Variants in HIBCH observed in about 807,000 individuals in gnomAD.
HIBCH encodes the protein 3-hydroxyisobutyryl-CoA hydrolase.
HIBCH carries 50 observed loss-of-function variants against 58.2 expected under a neutral mutation model. The observed-to-expected ratio is 0.86, with a 90% confidence interval of 0.68 to 1.09. HIBCH has a LOEUF of 1.09. Ranked by LOEUF, HIBCH falls within the 50% of genes least tolerant of loss-of-function variation. HIBCH has a pLI of 0.00. For missense variants in HIBCH, 450 were observed against 449.7 expected (o/e 1.00, Z -0.01); for synonymous variants, 151 against 146.9 (o/e 1.03, Z -0.20).
At position 190,197,622 on chromosome 2, in the gene HIBCH, C is replaced by T. The variant is rs1690041651; in HGVS notation, c.*17+7478G>A. Reference sequence around the variant, plus strand: ...TCCCACGGTAATGCTGGGAGATACCCCCAGGTAGAATCCCACAATGACCAT... The same window carrying T: ...TCCCACGGTAATGCTGGGAGATACCTCCAGGTAGAATCCCACAATGACCAT... On this transcript the variant is annotated intron_variant, in intron 1 of 1. Transcript: ENST00000399855. The surrounding 1 kb of genome is among the most constrained non-coding windows in gnomAD (Gnocchi z 4.0). 3.3e-5 allele frequency among the ~76,000 whole-genome samples: 5 copies of T among 152,302 alleles called. No homozygotes were observed. In the South Asian group the frequency reaches 1.0e-3, roughly 32 times the overall value.
intron 7 of HIBCH, among the ~76,000 whole-genome samples, chr2:190,259,972 A>G (rs1019434169): frequency 6.6e-6 from 1 of 152,220 alleles, no homozygotes; most frequent in African/African-American, 2.4e-5. Context: ...AATTGGTAGA[A>G]GACTAAATGC....
chr2:190,235,439 TC>T (rs1208088588), intron 11 of HIBCH, among the ~76,000 whole-genome samples: 2 of 152,216 alleles, frequency 1.3e-5, no homozygotes, highest in African/African-American at 2.4e-5. Flanking sequence ...CGACCCTCAA[TC>T]TTTCAGCCTC....
chr2:190,222,849 T>C (rs747377882), intron 11 of HIBCH, among the ~76,000 whole-genome samples: 10 of 152,212 alleles, frequency 6.6e-5, no homozygotes, highest in South Asian at 2.1e-4. Context: ...CTATGCAAAA[T>C]AGCAAAGACT....
At chr2:190,200,261 T>G, downstream of HIBCH, 1 of 823,320 alleles carries the variant, frequency 1.2e-6, no homozygotes, top group Non-Finnish European at 2.0e-6. Context: ...AAAATGTGTC[T>G]ACGATAATGT....
chr2:190,297,300 T>C (rs1460961272), intron 2 of HIBCH, among the ~76,000 whole-genome samples: 1 of 152,180 alleles, frequency 6.6e-6, no homozygotes, highest in Non-Finnish European at 1.5e-5. Context: ...CAAAGATGAA[T>C]AAGAGAGGGC....
rs777256015 is a variant in HIBCH, at chr2:190,205,095, T to G, written c.*22A>C. 2 of 1,382,062 alleles carry G rather than the reference T, an allele frequency of 1.4e-6. No homozygotes were observed. Among genetic ancestry groups the G allele is most frequent in the Non-Finnish European group, 2.1e-6 (2 of 972,142 alleles). The allele number at this position is 1,382,062 out of a possible 1,614,324, so 85.6% of individuals were successfully genotyped here. On this transcript the variant is annotated 3_prime_UTR_variant, in exon 14 of 14. Transcript: ENST00000359678. ...TAGATTGCCAACCCATGCTACAAAA[T>G]ATACCTTAAAAGCCTGTCACCTCAA...
intron 8 of HIBCH, chr2:190,250,242 T>C (rs1686724235): frequency 2.8e-6 from 1 of 358,654 alleles, no homozygotes; most frequent in South Asian, 2.3e-5. Context: ...GACAATACCT[T>C]TTCCTGATAA....
Position 190,216,185 on chromosome 2 carries a change from G to A in HIBCH, c.892-3110C>T, listed in dbSNP as rs897310486. The A allele has an allele frequency of 6.5e-6, 1 of 152,766 alleles. No homozygotes were observed. Among genetic ancestry groups the A allele is most frequent in the Non-Finnish European group, 1.5e-5 (1 of 68,546 alleles). 9.5% of individuals were successfully genotyped at this position (152,766 alleles called of 1,614,324 possible). On this transcript the variant is annotated intron_variant, in intron 11 of 13. Coordinates refer to ENST00000359678, the MANE Select transcript of HIBCH (RefSeq NM_014362.4). The surrounding 1 kb of genome is among the most constrained non-coding windows in gnomAD (Gnocchi z 4.2). ...CTGGGGGAAGGTTCTAGAGGCTCAAGCAACAAGGAGGTGCAAGCAAAGGGT... is the reference window on the plus strand; with the variant it reads ...CTGGGGGAAGGTTCTAGAGGCTCAAACAACAAGGAGGTGCAAGCAAAGGGT...
intron 6 of HIBCH, among the ~76,000 whole-genome samples, chr2:190,273,120 C>T (rs997389631): frequency 2.6e-5 from 4 of 152,202 alleles, no homozygotes; most frequent in Admixed American, 2.6e-4. Flanking sequence ...CGGCCAGGCG[C>T]AGTGGCTCAT....
intron 3 of HIBCH, 122 bp downstream of exon 3, chr2:190,296,691 G>T: frequency 1.1e-6 from 1 of 899,358 alleles, no homozygotes; most frequent in Non-Finnish European, 1.8e-6. Context: ...AAGAATTGAT[G>T]GGGCTTACTT....
At chr2:190,222,788 T>A (rs1685759576) in intron 11 of HIBCH, among the ~76,000 whole-genome samples, 1 of 152,218 alleles carries the variant, frequency 6.6e-6, no homozygotes, top group Non-Finnish European at 1.5e-5. Context: ...CCCAAAGGAT[T>A]ATAAATCATT....
In HIBCH at chr2:190,261,251, A is replaced by G; in HGVS notation, c.439-17T>C. 6.4e-7 allele frequency: 1 copy of G among 1,574,170 alleles called. No individual in the cohort carries two copies. The highest frequency in any genetic ancestry group is 8.7e-7 in the Non-Finnish European group (1 of 1,144,084). On this transcript the variant is annotated splice_polypyrimidine_tract_variant and intron_variant, in intron 6 of 13. Coordinates refer to ENST00000359678, the MANE Select transcript of HIBCH (RefSeq NM_014362.4). ...ACCAACTCCCTAGAGAAAAAAGGCA[A>G]AAAAAGAGGCGGGGGGGAATTAAAC...
At chr2:190,289,459 A>C (rs946293766) in intron 5 of HIBCH, among the ~76,000 whole-genome samples, 1 of 152,180 alleles carries the variant, frequency 6.6e-6, no homozygotes, top group East Asian at 1.9e-4. Context: ...AATATGGTCT[A>C]GGAGAATACA....
Position 190,252,214 on chromosome 2 carries a change from C to G in HIBCH, c.611G>C (p.Gly204Ala), listed in dbSNP as rs750059412. Residue 204 changes from glycine (G) to alanine (A), a missense_variant, in exon 8 of 14, where the codon GGA becomes GCA. Physicochemically the swap from Gly to Ala is moderately conservative, Grantham distance 60. Transcript: ENST00000359678. ...FLALTGFRLK[G>A]RDVYRAGIAT... ...AATTCCTGCTCTGTACACATCTCTT[C>G]CTTTTAGTCTGAATCCTGTTAATGC... 1 of 1,613,886 alleles carries G rather than the reference C, an allele frequency of 6.2e-7. No individual in the cohort carries two copies. Among genetic ancestry groups the G allele is most frequent in the South Asian group, 1.1e-5 (1 of 91,070 alleles).
rs1172052117 is a variant in HIBCH at position 190,216,504 on chromosome 2, G to A, written c.892-3429C>T. On this transcript the variant is annotated intron_variant, in intron 11 of 13. Transcript: ENST00000359678. The surrounding 1 kb of genome is among the most constrained non-coding windows in gnomAD (Gnocchi z 4.2). The stretch of plus-strand genomic sequence containing the variant: ...GGGTTGTAAACTCAAATGACTACAG[G>A]GCCAGTAAATGATGAGAAGGAGGGC... Among the ~76,000 whole-genome samples the A allele has an allele frequency of 1.3e-5, 2 of 152,116 alleles. No homozygotes were observed. Among genetic ancestry groups the A allele is most frequent in the Non-Finnish European group, 2.9e-5 (2 of 68,038 alleles).
At chr2:190,227,684 CA>C (rs1685951564) in intron 11 of HIBCH, among the ~76,000 whole-genome samples, 1 of 152,098 alleles carries the variant, frequency 6.6e-6, no homozygotes, top group South Asian at 2.1e-4. Flanking sequence ...CCAGAATCTA[CA>C]AAGAACCTAA....
In HIBCH at chr2:190,298,451, C is replaced by T. The variant is rs115277994; in HGVS notation, c.79-1498G>A. 6.8e-3 allele frequency among the ~76,000 whole-genome samples: 1,033 copies of T among 152,216 alleles called. 13 individuals are homozygous for T. Among genetic ancestry groups the T allele is most frequent in the African/African-American group, 0.023 (937 of 41,538 alleles). On this transcript the variant is annotated intron_variant, in intron 2 of 13. Transcript: ENST00000359678. ...TTTTTAATAATCGCCATGCTGACTGCGTGAGATGGTATCTCATTGAGGTTT... is the reference window on the plus strand; with the variant it reads ...TTTTTAATAATCGCCATGCTGACTGTGTGAGATGGTATCTCATTGAGGTTT...
rs1686265725 is a variant in HIBCH, at chr2:190,236,098, G to GT, written c.891+8788dup. On this transcript the variant is annotated intron_variant, in intron 11 of 13. Transcript: ENST00000359678. This position sits in a 1 kb window ranked among gnomAD's most constrained non-coding sequence, Gnocchi z 4.1. ...AGGTAAGAGGTTGAGAGAAAAAGACGTAACAGAATGGAGACAAGCAGACAG... is the reference window on the plus strand; with the variant it reads ...AGGTAAGAGGTTGAGAGAAAAAGACGTTAACAGAATGGAGACAAGCAGACAG... 2.0e-5 allele frequency among the ~76,000 whole-genome samples: 3 copies of GT among 152,228 alleles called. No homozygotes were observed. In the South Asian group the frequency reaches 6.2e-4, roughly 32 times the overall value.
At chr2:190,311,362 C>T (rs537961105) in intron 1 of HIBCH, among the ~76,000 whole-genome samples, 1 of 152,178 alleles carries the variant, frequency 6.6e-6, no homozygotes, top group Non-Finnish European at 1.5e-5. Context: ...ATGGTTGATA[C>T]ATGTCCTTAT....
Sources: allele counts gnomAD v4.1 joint callset (sites outside exome capture counted in the v4.1 genomes callset), GRCh38; gene constraint gnomAD v4.1.1; non-coding constraint Gnocchi (gnomAD v3.1); transcripts MANE v1.5; gene names NCBI Gene and HGNC (gene_info 2026-07-23, HGNC 2026-07-21).